The following PATJ variants were observed in gnomAD, a reference collection of about 807,000 sequenced individuals.
PATJ encodes inaD-like protein.
PATJ carries 190 observed loss-of-function variants against 224.9 expected under a neutral mutation model. The observed-to-expected ratio is 0.84, with a 90% CI of 0.75 to 0.95. The LOEUF (loss-of-function observed/expected upper bound fraction) is 0.95. Among genes scored for constraint, PATJ ranks in the 40% least tolerant of loss-of-function variants. The pLI is 0.00. For synonymous variants in PATJ, 769 were observed against 820.3 expected, an observed-to-expected ratio of 0.94 and a Z score of 1.07; for missense variants, 2,121 against 2,270.3, an observed-to-expected ratio of 0.93 and a Z score of 1.34.
chr1:61,784,666 T>A (rs879299732), intron 7 of PATJ, among the ~76,000 whole-genome samples: 4 of 152,230 alleles, frequency 2.6e-5, no homozygotes, highest in Non-Finnish European at 4.4e-5. Flanking sequence ...ATATATTTTT[T>A]AATTTTTTGA....
intron 22 of PATJ, among the ~76,000 whole-genome samples, chr1:61,890,272 A>T (rs1669422829): frequency 6.6e-6 from 1 of 152,276 alleles, no homozygotes; most frequent in East Asian, 1.9e-4. Context: ...TGAGGCCAGG[A>T]GTTCAAGACG....
intron 33 of PATJ, among the ~76,000 whole-genome samples, chr1:62,089,220 T>C (rs1481014991): frequency 6.6e-6 from 1 of 152,172 alleles, no homozygotes; most frequent in Admixed American, 6.6e-5. Flanking sequence ...TTGGAATACC[T>C]GAACGAGATG....
chr1:61,903,775 C>CTTTTTT (rs11331898), intron 24 of PATJ, among the ~76,000 whole-genome samples: 2 of 131,600 alleles, frequency 1.5e-5, no homozygotes, highest in Non-Finnish European at 1.6e-5. Context: ...TGGTACTTTG[C>CTTTTTT]TTTTTTTTTT....
chr1:62,073,015 T>C lies in PATJ; in HGVS notation c.4126-6435T>C, dbSNP rs149782814. ...CTGCTAATTGGTTGTGTCTTTTACA[T>C]TTCAGGAAGACATGTCCCAGGTGAT... On this transcript the variant is annotated intron_variant, in intron 31 of 43. Coordinates refer to ENST00000642238, the MANE Select transcript of PATJ (RefSeq NM_001350145.3). The C allele has an allele frequency of 3.0e-4, 295 of 985,078 alleles. 2 individuals are homozygous for C. The African/African-American group carries it at 4.8e-3, about 16-fold the overall frequency. 61.0% of individuals were successfully genotyped at this position (985,078 alleles called of 1,614,324 possible). A position where few individuals can be genotyped will look rare whatever the true frequency, so the allele number is the denominator to read the frequency against.
intron 42 of PATJ, among the ~76,000 whole-genome samples, chr1:62,153,086 A>C (rs999766953): frequency 3.3e-5 from 5 of 152,222 alleles, no homozygotes; most frequent in Non-Finnish European, 5.9e-5. Context: ...GTGCTTTGAC[A>C]ATTTCAGCAT....
chr1:61,986,913 TG>T (rs1489458741), intron 27 of PATJ, among the ~76,000 whole-genome samples: 1 of 152,094 alleles, frequency 6.6e-6, no homozygotes, highest in Non-Finnish European at 1.5e-5. Context: ...TCTTTGCATT[TG>T]CTATGTATTT....
At chr1:61,742,817 T>A (rs1278676808) in intron 1 of PATJ, among the ~76,000 whole-genome samples, 1 of 150,232 alleles carries the variant, frequency 6.7e-6, no homozygotes, top group Non-Finnish European at 1.5e-5. Flanking sequence ...GCCGTCCTCC[T>A]GCGTCGGGCC....
chr1:61,987,969 C>T lies in PATJ; in HGVS notation c.3671-2199C>T, dbSNP rs561074851. 4.6e-5 allele frequency among the ~76,000 whole-genome samples: 7 copies of T among 152,280 alleles called. No homozygotes were observed. In the East Asian group the frequency reaches 1.2e-3, roughly 25 times the overall value. ...ATCCCAGCACTATAAGAGGCCAAGG[C>T]GGGCGGATCACCTGAAATCAGGAGT... On this transcript the variant is annotated intron_variant, in intron 27 of 43. Coordinates refer to ENST00000642238, the MANE Select transcript of PATJ (RefSeq NM_001350145.3).
intron 41 of PATJ, among the ~76,000 whole-genome samples, chr1:62,138,303 C>T (rs111701099): frequency 2.0e-5 from 3 of 151,856 alleles, no homozygotes; most frequent in Admixed American, 1.3e-4. Flanking sequence ...AAGAAGGAGC[C>T]TAAGTTTTCT....
intron 29 of PATJ, among the ~76,000 whole-genome samples, chr1:62,030,631 A>T (rs551923337): frequency 1.3e-4 from 20 of 152,344 alleles, no homozygotes; most frequent in Admixed American, 3.9e-4. Flanking sequence ...AAAAATATAG[A>T]CTATTCGTTC....
intron 20 of PATJ, among the ~76,000 whole-genome samples, chr1:61,869,991 A>C (rs904510843): frequency 6.6e-6 from 1 of 152,244 alleles, no homozygotes. Flanking sequence ...TAGCTCTGCC[A>C]TCTGCGGACG....
chr1:61,815,972 T>A (rs1656027748), intron 14 of PATJ, among the ~76,000 whole-genome samples: 1 of 152,196 alleles, frequency 6.6e-6, no homozygotes, highest in Non-Finnish European at 1.5e-5. Flanking sequence ...CTAGTGACCT[T>A]TCTGCTGGCC....
intron 20 of PATJ, among the ~76,000 whole-genome samples, chr1:61,873,329 G>C (rs902918051): frequency 1.3e-5 from 2 of 151,952 alleles, no homozygotes; most frequent in Non-Finnish European, 2.9e-5. Flanking sequence ...CGCTATGCCT[G>C]GCTAGTTTTT....
At position 61,941,381 on chromosome 1, in the gene PATJ, T is replaced by C. The variant is rs531490498; in HGVS notation, c.3670+13552T>C. On this transcript the variant is annotated intron_variant, in intron 27 of 43. Transcript: ENST00000642238. ...AAAGTTAATTTTCAGCCGGGCACGA[T>C]GGCTCATGCCTGTAATCCCAGCACT... Among the ~76,000 whole-genome samples the C allele has an allele frequency of 1.0e-3, 156 of 152,332 alleles. 1 individual carries two copies. Among genetic ancestry groups the C allele is most frequent in the African/African-American group, 3.7e-3 (154 of 41,566 alleles).
rs966042542 is a variant in PATJ, at chr1:62,055,682, T to C, written c.4125+4624T>C. ...GGGTAGCCATAGAAGGAACAACTAT[T>C]CCAAGTGAAGCATTAAGATATAACT... On this transcript the variant is annotated intron_variant, in intron 31 of 43. Coordinates refer to ENST00000642238, the MANE Select transcript of PATJ (RefSeq NM_001350145.3). 1.7e-4 allele frequency among the ~76,000 whole-genome samples: 26 copies of C among 152,198 alleles called. 1 individual carries two copies. The highest frequency in any genetic ancestry group is 1.7e-3 in the Admixed American group (26 of 15,274).
chr1:61,797,797 G>A (rs1651654982), intron 11 of PATJ, among the ~76,000 whole-genome samples: 1 of 152,036 alleles, frequency 6.6e-6, no homozygotes, highest in African/African-American at 2.4e-5. Context: ...GCAGACTTCG[G>A]GTTTCCTATT....
chr1:61,994,836 G>T (rs1334808611), intron 28 of PATJ, among the ~76,000 whole-genome samples: 2 of 152,158 alleles, frequency 1.3e-5, no homozygotes, highest in African/African-American at 2.4e-5. Flanking sequence ...TTACAGGGGT[G>T]AGCCACCATG....
intron 22 of PATJ, among the ~76,000 whole-genome samples, chr1:61,895,221 A>G (rs1248777567): frequency 2.0e-5 from 3 of 152,280 alleles, no homozygotes; most frequent in Admixed American, 2.0e-4. Flanking sequence ...CATGTGGTAG[A>G]AAAGAAAAAC....
At chr1:62,139,917 G>A (rs1365426970) in intron 41 of PATJ, among the ~76,000 whole-genome samples, 1 of 151,680 alleles carries the variant, frequency 6.6e-6, no homozygotes, top group African/African-American at 2.4e-5. Context: ...GAACCACCAC[G>A]CCCAGCTAAT....
Sources: gnomAD v4.1 joint callset for allele counts (sites outside exome capture counted in the v4.1 genomes callset) on GRCh38, gnomAD v4.1.1 for gene constraint, MANE v1.5 for transcripts, NCBI Gene and HGNC (gene_info 2026-07-23, HGNC 2026-07-21) for gene names.